Variants in R3HCC1L observed in about 807,000 individuals in gnomAD.
R3HCC1L encodes the protein R3H domain and coiled-coil containing 1 like, also known as coiled-coil domain-containing protein R3HCC1L.
Under a neutral mutation model 59.9 loss-of-function variants are expected in R3HCC1L, and 51 were observed. That is an observed-to-expected ratio of 0.85 (90% confidence interval 0.68 to 1.07). The LOEUF is 1.07. R3HCC1L is among the 50% of genes least tolerant of loss of function. The pLI is 0.00. For synonymous variants in R3HCC1L, 322 were observed against 315.2 expected (o/e 1.02, Z -0.23); for missense variants, 965 against 933.0 (o/e 1.03, Z -0.45).
At chr10:98,211,163 G>GT (rs1853522537) in intron 5 of R3HCC1L, 1 of 566,852 alleles carries the variant, frequency 1.8e-6, no homozygotes, top group African/African-American at 1.9e-5. Flanking sequence ...ACGTATGTGT[G>GT]TTTTTTCATA....
intron 1 of R3HCC1L, among the ~76,000 whole-genome samples, chr10:98,151,905 GCT>G (rs747724965): frequency 1.3e-5 from 2 of 151,634 alleles, no homozygotes; most frequent in South Asian, 2.1e-4. Context: ...ATTCCAGCTC[GCT>G]CTCTCTCTCT....
At chr10:98,134,961 C>T (rs1844394428) in intron 1 of R3HCC1L, among the ~76,000 whole-genome samples, 2 of 152,160 alleles carry the variant, frequency 1.3e-5, no homozygotes, top group East Asian at 1.9e-4. Flanking sequence ...GGCTCGTGCT[C>T]GCTTTGGGCG....
At chr10:98,183,879 G>A (rs78821573) in intron 4 of R3HCC1L, among the ~76,000 whole-genome samples, 23 of 150,068 alleles carry the variant, frequency 1.5e-4, no homozygotes, top group South Asian at 8.4e-4. Flanking sequence ...TATAAATTCC[G>A]TGTTTGATAG....
chr10:98,175,802 A>C (rs1848952417), intron 4 of R3HCC1L, among the ~76,000 whole-genome samples: 1 of 152,124 alleles, frequency 6.6e-6, no homozygotes, highest in Non-Finnish European at 1.5e-5. Context: ...TTGATTTAAA[A>C]ATTATTTTAT....
At chr10:98,210,450 A>G (rs1007085923) in intron 5 of R3HCC1L, among the ~76,000 whole-genome samples, 1 of 152,214 alleles carries the variant, frequency 6.6e-6, no homozygotes, top group Non-Finnish European at 1.5e-5. Flanking sequence ...ATGCTGGCCA[A>G]TTAGAATTCA....
intron 5 of R3HCC1L, among the ~76,000 whole-genome samples, chr10:98,214,123 C>G (rs995765144): frequency 1.3e-5 from 2 of 152,146 alleles, no homozygotes; most frequent in African/African-American, 4.8e-5. Flanking sequence ...ATATTTGTTG[C>G]ATAACATTTT....
At chr10:98,202,457 A>C (rs1212506659) in intron 4 of R3HCC1L, among the ~76,000 whole-genome samples, 1 of 152,192 alleles carries the variant, frequency 6.6e-6, no homozygotes, top group Non-Finnish European at 1.5e-5. Flanking sequence ...TGATGCCCTG[A>C]GGACACATCA....
chr10:98,160,950 T>C (rs191074602), intron 2 of R3HCC1L, among the ~76,000 whole-genome samples: 2 of 152,348 alleles, frequency 1.3e-5, no homozygotes, highest in East Asian at 3.9e-4. Flanking sequence ...TGTACTCTTA[T>C]GCTGTTTCTA....
At chr10:98,139,232 C>T (rs942550335) in intron 1 of R3HCC1L, among the ~76,000 whole-genome samples, 2 of 152,132 alleles carry the variant, frequency 1.3e-5, no homozygotes, top group Non-Finnish European at 2.9e-5. Context: ...GGCCCTAATG[C>T]AACTCATTAG....
chr10:98,149,482 T>G (rs1420964766), intron 1 of R3HCC1L, among the ~76,000 whole-genome samples: 1 of 152,210 alleles, frequency 6.6e-6, no homozygotes, highest in African/African-American at 2.4e-5. Context: ...AGGCATTTAT[T>G]GCTATAACTT....
intron 4 of R3HCC1L, among the ~76,000 whole-genome samples, chr10:98,197,710 ACT>A (rs1851594037): frequency 1.3e-5 from 2 of 152,152 alleles, no homozygotes; most frequent in Admixed American, 1.3e-4. Flanking sequence ...AAAGAAACTA[ACT>A]CTACACTGAA....
chr10:98,180,138 C>A (rs1452862289), intron 4 of R3HCC1L, among the ~76,000 whole-genome samples: 5 of 152,014 alleles, frequency 3.3e-5, no homozygotes, highest in Admixed American at 6.6e-5. Flanking sequence ...AGTTCTTTTA[C>A]TTGTTATGTT....
intron 4 of R3HCC1L, among the ~76,000 whole-genome samples, chr10:98,182,186 G>C (rs537894515): frequency 6.6e-6 from 1 of 152,280 alleles, no homozygotes; most frequent in East Asian, 1.9e-4. Context: ...GTGACCTACA[G>C]ATGGGGTTTT....
intron 4 of R3HCC1L, 100 bp from the exon 5 acceptor site, chr10:98,208,001 G>A (rs1852908688): frequency 1.8e-6 from 2 of 1,108,938 alleles, no homozygotes; most frequent in Non-Finnish European, 2.5e-6. Flanking sequence ...CTCTAGCCTG[G>A]GTGACAGTGT....
intron 1 of R3HCC1L, among the ~76,000 whole-genome samples, chr10:98,153,476 G>GAAGGCC (rs1846486585): frequency 6.6e-6 from 1 of 152,108 alleles, no homozygotes; most frequent in Non-Finnish European, 1.5e-5. Context: ...AAACACTGCG[G>GAAGGCC]AAGGCCGCAG....
At chr10:98,189,982 T>C (rs889077670) in intron 4 of R3HCC1L, among the ~76,000 whole-genome samples, 4 of 152,228 alleles carry the variant, frequency 2.6e-5, no homozygotes, top group Non-Finnish European at 5.9e-5. Flanking sequence ...TCCAAGACTT[T>C]CCTTGGATAC....
intron 4 of R3HCC1L, among the ~76,000 whole-genome samples, chr10:98,170,049 A>G (rs1848365670): frequency 6.6e-6 from 1 of 152,142 alleles, no homozygotes; most frequent in Non-Finnish European, 1.5e-5. Flanking sequence ...CTTAATGGTA[A>G]TGAGTATTAG....
intron 4 of R3HCC1L, among the ~76,000 whole-genome samples, chr10:98,165,303 T>C (rs557308854): frequency 6.6e-6 from 1 of 152,308 alleles, no homozygotes; most frequent in African/African-American, 2.4e-5. Flanking sequence ...AGGTTCTATG[T>C]TCTATTGATG....
intron 1 of R3HCC1L, among the ~76,000 whole-genome samples, 180 bp downstream of exon 1, chr10:98,134,886 G>T (rs575941302): frequency 2.5e-4 from 38 of 152,198 alleles, no homozygotes; most frequent in Non-Finnish European, 4.7e-4. Flanking sequence ...GGAAGCTCCC[G>T]CCTTCTGACC....
Sources: gnomAD v4.1 joint callset for allele counts (sites outside exome capture counted in the v4.1 genomes callset) on GRCh38, gnomAD v4.1.1 for gene constraint, MANE v1.5 for transcripts, NCBI Gene and HGNC (gene_info 2026-07-23, HGNC 2026-07-21) for gene names.